The following PCDH9 variants were observed in gnomAD, a reference collection of about 807,000 sequenced individuals.
PCDH9 encodes protocadherin-9.
PCDH9 carries 24 observed loss-of-function variants against 70.6 expected under a neutral mutation model. The observed-to-expected ratio is 0.34, with a 90% CI of 0.25 to 0.48. PCDH9 has a LOEUF of 0.48. Among genes scored for constraint, PCDH9 ranks in the 20% least tolerant of loss-of-function variants. PCDH9 has a pLI of 0.99. For missense variants in PCDH9, 1,281 were observed against 1,503.6 expected (o/e 0.85, Z 2.45); for synonymous variants, 562 against 558.5 (o/e 1.01, Z -0.09).
chr13:66,944,581 A>C (rs1776728726), intron 2 of PCDH9, among the ~76,000 whole-genome samples: 1 of 152,128 alleles, frequency 6.6e-6, no homozygotes, highest in African/African-American at 2.4e-5. Flanking sequence ...GGTCATGAAA[A>C]GTTTGATCCC....
intron 4 of PCDH9, among the ~76,000 whole-genome samples, chr13:66,503,065 G>A (rs1261522461): frequency 6.6e-6 from 1 of 152,078 alleles, no homozygotes; most frequent in Non-Finnish European, 1.5e-5. Context: ...GGGGAGGAAG[G>A]AAACATAAAT....
chr13:66,787,753 T>C (rs2080102477), intron 3 of PCDH9, among the ~76,000 whole-genome samples: 1 of 152,148 alleles, frequency 6.6e-6, no homozygotes, highest in South Asian at 2.1e-4. Flanking sequence ...CAAAAGAGAA[T>C]TTTTCTTCCC....
intron 3 of PCDH9, among the ~76,000 whole-genome samples, chr13:66,799,245 C>T (rs972614594): frequency 6.6e-6 from 1 of 152,124 alleles, no homozygotes; most frequent in African/African-American, 2.4e-5. Context: ...AGTTGGAAAG[C>T]GTTGGAGATA....
At chr13:66,788,249 C>T (rs914591517) in intron 3 of PCDH9, among the ~76,000 whole-genome samples, 1 of 152,140 alleles carries the variant, frequency 6.6e-6, no homozygotes, top group Non-Finnish European at 1.5e-5. Flanking sequence ...TTTATAATGG[C>T]ATTAACCCAT....
intron 2 of PCDH9, among the ~76,000 whole-genome samples, chr13:66,952,921 T>G (rs1333012945): frequency 1.3e-5 from 2 of 152,212 alleles, no homozygotes; most frequent in East Asian, 1.9e-4. Flanking sequence ...CATCTTCCTT[T>G]GTCTCTTGGC....
intron 3 of PCDH9, among the ~76,000 whole-genome samples, chr13:66,737,481 A>AG (rs2079170181): frequency 6.6e-6 from 1 of 152,096 alleles, no homozygotes; most frequent in South Asian, 2.1e-4. Flanking sequence ...AATTTGGAAG[A>AG]GGGGGGAGGA....
chr13:66,916,391 C>A (rs988460314), intron 2 of PCDH9, among the ~76,000 whole-genome samples: 3 of 151,508 alleles, frequency 2.0e-5, no homozygotes, highest in African/African-American at 7.3e-5. Flanking sequence ...CCCCTGGAGA[C>A]ACTTTAAACC....
chr13:66,683,343 C>T (rs1287341437), intron 3 of PCDH9, among the ~76,000 whole-genome samples: 7 of 152,194 alleles, frequency 4.6e-5, no homozygotes, highest in Non-Finnish European at 8.8e-5. Flanking sequence ...ATGGAGACAT[C>T]TAATACCACA....
chr13:66,409,847 A>G (rs1371566901), intron 4 of PCDH9, among the ~76,000 whole-genome samples: 1 of 152,156 alleles, frequency 6.6e-6, no homozygotes, highest in Non-Finnish European at 1.5e-5. Flanking sequence ...CTGCTGGTCT[A>G]AGTACAACCT....
At chr13:66,825,462 G>A (rs951076149) in intron 3 of PCDH9, among the ~76,000 whole-genome samples, 6 of 142,786 alleles carry the variant, frequency 4.2e-5, no homozygotes, top group African/African-American at 1.6e-4. Context: ...TCAGCCTCCC[G>A]TGTAGCTGGG....
At chr13:66,407,242 T>A (rs1286758973) in intron 4 of PCDH9, among the ~76,000 whole-genome samples, 1 of 152,186 alleles carries the variant, frequency 6.6e-6, no homozygotes, top group Admixed American at 6.5e-5. Context: ...TGCTCAAGCG[T>A]AAATACATCT....
chr13:66,806,762 T>C (rs2080417198), intron 3 of PCDH9, among the ~76,000 whole-genome samples: 1 of 152,160 alleles, frequency 6.6e-6, no homozygotes, highest in Non-Finnish European at 1.5e-5. Context: ...GTCAAGGAAG[T>C]ACGGTGCTTA....
At chr13:66,611,941 G>A (rs2138873246) in intron 4 of PCDH9, among the ~76,000 whole-genome samples, 2 of 152,282 alleles carry the variant, frequency 1.3e-5, no homozygotes, top group East Asian at 3.9e-4. Flanking sequence ...GGCATTATTT[G>A]TACTCTCTAC....
chr13:66,591,176 T>C (rs1051779893), intron 4 of PCDH9, among the ~76,000 whole-genome samples: 2 of 151,716 alleles, frequency 1.3e-5, no homozygotes, highest in African/African-American at 4.8e-5. Flanking sequence ...AGGCATCAAT[T>C]CATAATTCAA....
At chr13:66,559,833 T>TCTATAC (rs1555306310) in intron 4 of PCDH9, among the ~76,000 whole-genome samples, 1 of 87,100 alleles carries the variant, frequency 1.1e-5, no homozygotes, top group East Asian at 3.9e-4. Context: ...TATATATATA[T>TCTATAC]ACACACACAC....
chr13:67,157,319 A>C (rs890771607), intron 2 of PCDH9, among the ~76,000 whole-genome samples: 1 of 152,194 alleles, frequency 6.6e-6, no homozygotes, highest in Non-Finnish European at 1.5e-5. Context: ...TTAAATTGCA[A>C]ATTTCTTGGC....
At chr13:66,444,688 G>A (rs1028950896) in intron 4 of PCDH9, among the ~76,000 whole-genome samples, 1 of 152,034 alleles carries the variant, frequency 6.6e-6, no homozygotes, top group African/African-American at 2.4e-5. Context: ...AGTCTCCCGA[G>A]GAGCTGGGAC....
intron 3 of PCDH9, among the ~76,000 whole-genome samples, chr13:66,746,899 G>A (rs538869241): frequency 2.6e-5 from 4 of 152,178 alleles, no homozygotes; most frequent in East Asian, 3.9e-4. Context: ...AATTGTGTGA[G>A]ACTACTAAAT....
At chr13:66,901,551 T>G (rs933544051) in intron 3 of PCDH9, among the ~76,000 whole-genome samples, 1 of 151,776 alleles carries the variant, frequency 6.6e-6, no homozygotes, top group African/African-American at 2.4e-5. Flanking sequence ...ATATTTTGTC[T>G]TCTTTGTTTA....
Sources: allele counts gnomAD v4.1 joint callset (sites outside exome capture counted in the v4.1 genomes callset), GRCh38; gene constraint gnomAD v4.1.1; transcripts MANE v1.5; gene names NCBI Gene and HGNC (gene_info 2026-07-23, HGNC 2026-07-21).